Variants in TALDO1 observed in about 807,000 individuals in gnomAD.
TALDO1 encodes transaldolase 1.
A neutral mutation model predicts 38.1 loss-of-function variants in TALDO1; 29 were observed. The observed-to-expected ratio is 0.76, with a 90% CI of 0.57 to 1.04. TALDO1 has a LOEUF of 1.04. Ranked by LOEUF, TALDO1 falls within the 50% of genes least tolerant of loss-of-function variation. TALDO1 has a pLI of 0.00. For synonymous variants in TALDO1, 207 were observed against 176.8 expected, an observed-to-expected ratio of 1.17 and a Z score of -1.36; for missense variants, 499 against 438.1, an observed-to-expected ratio of 1.14 and a Z score of -1.24.
At chr11:748,398 A>G (rs1289180545) in intron 1 of TALDO1, among the ~76,000 whole-genome samples, 5 of 143,052 alleles carry the variant, frequency 3.5e-5, no homozygotes, top group Non-Finnish European at 4.5e-5. Flanking sequence ...TTTACATTGG[A>G]GAGAACTTGG....
Position 760,267 on chromosome 11 carries a change from C to G in TALDO1, c.461+14C>G, listed in dbSNP as rs373077928. On this transcript the variant is annotated intron_variant, in intron 4 of 7. Transcript: ENST00000319006. ...TCAGGCTGGAAAGTAAGTGGTCCCC[C>G]ACAAGGAAGGAGCTCTCAGAGATTT... 6.2e-7 allele frequency: 1 copy of G among 1,613,514 alleles called. No individual in the cohort carries two copies. Among genetic ancestry groups the G allele is most frequent in the East Asian group, 2.2e-5 (1 of 44,878 alleles).
At chr11:758,059 G>A (rs1381265066) in intron 2 of TALDO1, among the ~76,000 whole-genome samples, 1 of 152,212 alleles carries the variant, frequency 6.6e-6, no homozygotes, top group Non-Finnish European at 1.5e-5. Flanking sequence ...CAAGACAGGC[G>A]GATCACGAGG....
At chr11:764,023 C>A in intron 6 of TALDO1, 79 bp downstream of exon 6, 1 of 1,527,516 alleles carries the variant, frequency 6.5e-7, no homozygotes, top group South Asian at 1.2e-5. Flanking sequence ...GTGGGTGATC[C>A]CTCCCACCTG....
At chr11:759,100 CCA>C (rs2133576749) in intron 3 of TALDO1, 43 bp downstream of exon 3, 1 of 1,540,344 alleles carries the variant, frequency 6.5e-7, no homozygotes, top group African/African-American at 1.4e-5. Context: ...GGTCAGGTGT[CCA>C]CAGTTGCACA....
At position 760,140 on chromosome 11, in the gene TALDO1, T is replaced by C; in HGVS notation, c.348T>C (p.Asp116=). The C allele has an allele frequency of 1.2e-6, 2 of 1,614,084 alleles. No individual in the cohort carries two copies. The highest frequency in any genetic ancestry group is 2.2e-5 in the South Asian group (2 of 91,074). ...CCTACAGGCTCTCCTTTGATAAAGA[T>C]GCGATGGTGGCCAGAGCCAGGCGGC... The part of the protein sequence containing the change: ...EVDARLSFDK[D]AMVARARRLI... Residue 116 remains aspartate (D), a synonymous_variant, in exon 4 of 8, where the codon GAT becomes GAC. Coordinates refer to ENST00000319006, the MANE Select transcript of TALDO1 (RefSeq NM_006755.2).
At chr11:758,290 C>CA (rs1230870340) in intron 2 of TALDO1, among the ~76,000 whole-genome samples, 3 of 151,614 alleles carry the variant, frequency 2.0e-5, no homozygotes, top group Non-Finnish European at 4.4e-5. Context: ...CTCAACAAAA[C>CA]AAAAAAATTA....
In TALDO1 at chr11:758,146, C is replaced by T. The variant is rs1862869741; in HGVS notation, c.222-804C>T. Among the ~76,000 whole-genome samples, 3 of 152,122 alleles carry T rather than the reference C, an allele frequency of 2.0e-5. No homozygotes were observed. In the South Asian group the frequency reaches 6.2e-4, roughly 32 times the overall value. On this transcript the variant is annotated intron_variant, in intron 2 of 7. Transcript: ENST00000319006. ...AAAATACAAAAAAATTAGCCGGGCA[C>T]AGTGGCGGGCGCCTGTAGTCCCAGC...
rs1191010733 is a variant in TALDO1 at position 763,408 on chromosome 11, G to A, written c.526G>A (p.Val176Met). 1.9e-6 allele frequency: 3 copies of A among 1,613,292 alleles called. No individual in the cohort carries two copies. The highest frequency in any genetic ancestry group is 1.3e-5 in the African/African-American group (1 of 74,572). The change falls in exon 5 of 8, where the codon GTG (valine) becomes ATG (methionine). Residue 176 changes from valine to methionine, a missense_variant. By Grantham distance (21) the Val-to-Met change is conservative. Coordinates refer to ENST00000319006, the MANE Select transcript of TALDO1 (RefSeq NM_006755.2). ...GTTACTCTTCTCCTTCGCCCAGGCT[G>A]TGGCCTGTGCCGAGGCGGGTGTGAC... ...MTLLFSFAQA[V>M]ACAEAGVTLI...
intron 4 of TALDO1, among the ~76,000 whole-genome samples, chr11:761,803 A>G (rs1378520149): frequency 6.6e-6 from 1 of 151,986 alleles, no homozygotes; most frequent in Non-Finnish European, 1.5e-5. Context: ...CAGTCCCCCA[A>G]GTGGCTGGGA....
At position 758,979 on chromosome 11, in the gene TALDO1, T is replaced by C. The variant is rs200086212; in HGVS notation, c.251T>C (p.Ile84Thr). Residue 84 changes from isoleucine to threonine, a missense_variant, in exon 3 of 8, where the codon ATT becomes ACT. Ile to Thr is a moderately conservative substitution (Grantham distance 89). Coordinates refer to ENST00000319006, the MANE Select transcript of TALDO1 (RefSeq NM_006755.2). The part of the protein sequence containing the change: ...GSQEDQIKNA[I>T]DKLFVLFGAE... ...CAAGAGGACCAGATTAAAAATGCTA[T>C]TGATAAACTTTTTGTGTTGTTTGGA... 37 of 1,612,634 alleles carry C rather than the reference T, an allele frequency of 2.3e-5. No individual in the cohort carries two copies. Among genetic ancestry groups the C allele is most frequent in the Non-Finnish European group, 2.7e-5 (32 of 1,179,032 alleles).
Position 763,823 on chromosome 11 carries a change from C to T in TALDO1, c.714C>T (p.Phe238=), listed in dbSNP as rs1863000420. Residue 238 remains phenylalanine (F), a synonymous_variant, in exon 6 of 8, where the codon TTC becomes TTT. Transcript: ENST00000319006. ...SYKTIVMGAS[F]RNTGEIKALA... is the part of the protein sequence containing the mutation. ...AAACCATTGTCATGGGCGCCTCCTT[C>T]CGCAACACGGGCGAGATCAAAGCAC... 1 of 1,614,082 alleles carries T rather than the reference C, an allele frequency of 6.2e-7. No individual in the cohort carries two copies. The highest frequency in any genetic ancestry group is 1.1e-5 in the South Asian group (1 of 91,086).
chr11:756,324 AC>A, intron 2 of TALDO1: 1 of 321,374 alleles, frequency 3.1e-6, no homozygotes, highest in South Asian at 3.8e-5. Flanking sequence ...GGTAACACTT[AC>A]CTTCTGGCTG....
At chr11:753,718 C>T (rs905588420) in intron 1 of TALDO1, among the ~76,000 whole-genome samples, 8 of 149,860 alleles carry the variant, frequency 5.3e-5, no homozygotes, top group Non-Finnish European at 7.4e-5. Context: ...TGCAAGACTC[C>T]GTCTCGGAAA....
intron 1 of TALDO1, among the ~76,000 whole-genome samples, chr11:754,536 A>G (rs1192084822): frequency 6.6e-6 from 1 of 152,086 alleles, no homozygotes; most frequent in Non-Finnish European, 1.5e-5. Flanking sequence ...CAGTGGTGCA[A>G]TCTCAGCTCA....
At position 751,774 on chromosome 11, in the gene TALDO1, G is replaced by A. The variant is rs556950215; in HGVS notation, c.98-4105G>A. On this transcript the variant is annotated intron_variant, in intron 1 of 7. Coordinates refer to ENST00000319006, the MANE Select transcript of TALDO1 (RefSeq NM_006755.2). ...CACGCCACTGCACTCTAGCCTGGGCGACAGAGCGAGACTCCATCTCAAAAT... is the reference window on the plus strand; with the variant it reads ...CACGCCACTGCACTCTAGCCTGGGCAACAGAGCGAGACTCCATCTCAAAAT... Among the ~76,000 whole-genome samples, 184 of 152,058 alleles carry A rather than the reference G, an allele frequency of 1.2e-3. 1 individual carries two copies. The highest frequency in any genetic ancestry group is 4.2e-3 in the African/African-American group (173 of 41,488).
At chr11:761,769 C>T (rs1482610831) in intron 4 of TALDO1, among the ~76,000 whole-genome samples, 1 of 152,094 alleles carries the variant, frequency 6.6e-6, no homozygotes, top group African/African-American at 2.4e-5. Context: ...GCCTTGACTC[C>T]AGGCTCAAGC....
chr11:760,620 T>C (rs1045950316), intron 4 of TALDO1: 3 of 283,512 alleles, frequency 1.1e-5, no homozygotes, highest in African/African-American at 6.5e-5. Context: ...ATATAAAATA[T>C]ATGCTGGCTG....
chr11:761,877 T>C (rs1019755180), intron 4 of TALDO1, among the ~76,000 whole-genome samples: 2 of 152,190 alleles, frequency 1.3e-5, no homozygotes, highest in African/African-American at 2.4e-5. Flanking sequence ...CTCGAACCCC[T>C]GGGCTCAAGA....
intron 4 of TALDO1, among the ~76,000 whole-genome samples, chr11:762,533 C>T (rs1862956350): frequency 6.6e-6 from 1 of 152,218 alleles, no homozygotes; most frequent in African/African-American, 2.4e-5. Flanking sequence ...GGAGTGGAGT[C>T]TCTGGGTGAC....
Sources: allele counts gnomAD v4.1 joint callset (sites outside exome capture counted in the v4.1 genomes callset), GRCh38; gene constraint gnomAD v4.1.1; transcripts MANE v1.5; gene names NCBI Gene and HGNC (gene_info 2026-07-23, HGNC 2026-07-21).